ATL3: variants seen among roughly 807,000 people sequenced by gnomAD.
ATL3 encodes atlastin GTPase 3, also known as atlastin-3.
Under a neutral mutation model 69.5 loss-of-function variants are expected in ATL3, and 49 were observed. The ratio of observed to expected loss-of-function variants is 0.71; its 90% confidence interval spans 0.56 to 0.89. The LOEUF is 0.89. ATL3 is among the 40% of genes least tolerant of loss of function. The pLI is 0.00. For missense variants in ATL3, 606 were observed against 645.7 expected, an observed-to-expected ratio of 0.94 and a Z score of 0.67; for synonymous variants, 214 against 224.1, an observed-to-expected ratio of 0.95 and a Z score of 0.40.
rs1234572123 is a variant in ATL3, at chr11:63,629,311, T to G, written c.*8A>C. On this transcript the variant is annotated 3_prime_UTR_variant, in exon 13 of 13. Coordinates refer to ENST00000398868, the MANE Select transcript of ATL3 (RefSeq NM_015459.5). ...GTTGTGTTCTTGTTTGATCTTCACG[T>G]TAAGATGCTATTGAGCTTTTTTATC... 1.2e-6 allele frequency: 2 copies of G among 1,611,996 alleles called. No homozygotes were observed. The highest frequency in any genetic ancestry group is 1.7e-6 in the Non-Finnish European group (2 of 1,178,026).
chr11:63,644,042 A>G, intron 7 of ATL3, 127 bp downstream of exon 7: 1 of 636,594 alleles, frequency 1.6e-6, no homozygotes, highest in East Asian at 2.8e-5. Flanking sequence ...GCTTGTGTTA[A>G]GATTCATATA....
chr11:63,661,975 G>A (rs1276351552), intron 1 of ATL3, among the ~76,000 whole-genome samples: 1 of 152,026 alleles, frequency 6.6e-6, no homozygotes, highest in Non-Finnish European at 1.5e-5. Context: ...CACTTTGGGG[G>A]CCAAGGCAGG....
chr11:63,636,415 C>A, intron 8 of ATL3, 81 bp from the exon 9 acceptor site: 1 of 1,558,636 alleles, frequency 6.4e-7, no homozygotes, highest in South Asian at 1.2e-5. Flanking sequence ...GCAGTCTTCC[C>A]AGTCTAGTGC....
chr11:63,630,341 C>G (rs1474137839), intron 12 of ATL3, among the ~76,000 whole-genome samples: 1 of 148,832 alleles, frequency 6.7e-6, no homozygotes, highest in Non-Finnish European at 1.5e-5. Context: ...GCAAGAGAAT[C>G]ACTTGAACCC....
intron 3 of ATL3, among the ~76,000 whole-genome samples, chr11:63,653,819 G>A (rs575057652): frequency 6.6e-6 from 1 of 152,308 alleles, no homozygotes; most frequent in East Asian, 1.9e-4. Context: ...AAGATCAGTG[G>A]AGGAGTTTGT....
At chr11:63,631,542 A>G (rs1939319868) in intron 11 of ATL3, 71 bp from the exon 12 acceptor site, 6 of 1,295,442 alleles carry the variant, frequency 4.6e-6, no homozygotes, top group Non-Finnish European at 6.4e-6. Context: ...ACATGAAAAG[A>G]TAATGAAAGG....
In ATL3 at chr11:63,625,541, T is replaced by C. The variant is rs1005325895; in HGVS notation, c.*3778A>G. 2 of 152,214 alleles carry C rather than the reference T, an allele frequency of 1.3e-5. No individual in the cohort carries two copies. The highest frequency in any genetic ancestry group is 2.9e-5 in the Non-Finnish European group (2 of 68,054). 9.4% of individuals were successfully genotyped at this position (152,214 alleles called of 1,614,324 possible). The stretch of plus-strand genomic sequence containing the variant: ...AATTTTGCTATAACTCATACATACA[T>C]ACATACTTATCCAAACTCACCCTAT... On this transcript the variant is annotated 3_prime_UTR_variant, in exon 13 of 13. Coordinates refer to ENST00000398868, the MANE Select transcript of ATL3 (RefSeq NM_015459.5).
At chr11:63,643,220 T>G (rs1939756021) in intron 8 of ATL3, 137 bp downstream of exon 8, 2 of 951,738 alleles carry the variant, frequency 2.1e-6, no homozygotes, top group Admixed American at 3.4e-5. Flanking sequence ...AGGAGCAAAA[T>G]CTGAACTAGA....
At chr11:63,635,473 T>C in intron 10 of ATL3, 61 bp downstream of exon 10, 1 of 1,361,284 alleles carries the variant, frequency 7.3e-7, no homozygotes, top group South Asian at 1.2e-5. Context: ...CTCTGCTTAT[T>C]GTATACAGGT....
intron 1 of ATL3, among the ~76,000 whole-genome samples, chr11:63,669,707 C>T (rs1037503394): frequency 2.6e-5 from 4 of 151,560 alleles, no homozygotes; most frequent in Non-Finnish European, 5.9e-5. Flanking sequence ...CTTGGGAGGC[C>T]GAGGAGAGGA....
chr11:63,625,125 A>AAAACCATTTGAC lies in ATL3; in HGVS notation c.*4182_*4193dup, dbSNP rs1188875471. The stretch of plus-strand genomic sequence containing the variant: ...AGCTACAACAGGACTTACAGCAAGA[A>AAAACCATTTGAC]AAACCATTTGACTGCAAATATTATT... On this transcript the variant is annotated 3_prime_UTR_variant, in exon 13 of 13. Transcript: ENST00000398868. The AAAACCATTTGAC allele has an allele frequency of 6.6e-6, 1 of 152,186 alleles. No individual in the cohort carries two copies. Among genetic ancestry groups the AAAACCATTTGAC allele is most frequent in the Non-Finnish European group, 1.5e-5 (1 of 68,022 alleles). 9.4% of individuals were successfully genotyped at this position (152,186 alleles called of 1,614,324 possible).
intron 3 of ATL3, among the ~76,000 whole-genome samples, chr11:63,656,991 CACGAGG>C (rs940801262): frequency 4.6e-5 from 7 of 152,070 alleles, no homozygotes; most frequent in Admixed American, 2.6e-4. Context: ...ACAGGCGGAT[CACGAGG>C]TCAGGAGTTC....
intron 6 of ATL3, among the ~76,000 whole-genome samples, chr11:63,645,540 C>CAGAGAG (rs113638692): frequency 1.3e-5 from 2 of 150,360 alleles, no homozygotes; most frequent in African/African-American, 4.9e-5. Flanking sequence ...AGACTTTTTG[C>CAGAGAG]AGAGAGAGAG....
At position 63,626,656 on chromosome 11, in the gene ATL3, T is replaced by C. The variant is rs1462940450; in HGVS notation, c.*2663A>G. On this transcript the variant is annotated 3_prime_UTR_variant, in exon 13 of 13. Transcript: ENST00000398868. ...CATATATTGTTAGGATTGTGTAAAA[T>C]TAAAAATGCCTGCATGGAAAGCGGC... 1 of 152,034 alleles carries C rather than the reference T, an allele frequency of 6.6e-6. No homozygotes were observed. The highest frequency in any genetic ancestry group is 2.4e-5 in the African/African-American group (1 of 41,368). 9.4% of individuals were successfully genotyped at this position (152,034 alleles called of 1,614,324 possible). A position where few individuals can be genotyped will look rare whatever the true frequency, so the allele number is the denominator to read the frequency against.
chr11:63,632,314 G>A, intron 11 of ATL3: 2 of 787,222 alleles, frequency 2.5e-6, no homozygotes, highest in East Asian at 2.4e-5. Context: ...ATACGTTGGT[G>A]GTGTTGTCAT....
intron 1 of ATL3, among the ~76,000 whole-genome samples, chr11:63,662,695 T>C (rs548361917): frequency 6.6e-6 from 1 of 152,274 alleles, no homozygotes; most frequent in South Asian, 2.1e-4. Context: ...CCCAGGCCCG[T>C]CTTGAACTCC....
intron 8 of ATL3, among the ~76,000 whole-genome samples, chr11:63,637,049 C>T (rs1305596368): frequency 1.3e-5 from 2 of 152,012 alleles, no homozygotes; most frequent in African/African-American, 4.8e-5. Flanking sequence ...GAGGTCAAGG[C>T]GGGTGGATCA....
intron 3 of ATL3, 24 bp downstream of exon 3, chr11:63,658,737 C>T (rs1469535622): frequency 1.3e-6 from 2 of 1,581,578 alleles, no homozygotes; most frequent in African/African-American, 2.7e-5. Flanking sequence ...TGTTGTTAAT[C>T]TGTAAGGTCA....
intron 8 of ATL3, among the ~76,000 whole-genome samples, chr11:63,640,380 G>A (rs1232479734): frequency 1.3e-5 from 2 of 151,712 alleles, no homozygotes; most frequent in African/African-American, 4.8e-5. Context: ...CTTGACGTCT[G>A]GGGCTCAAGC....
Sources: gnomAD v4.1 joint callset for allele counts (sites outside exome capture counted in the v4.1 genomes callset) on GRCh38, gnomAD v4.1.1 for gene constraint, MANE v1.5 for transcripts, NCBI Gene and HGNC (gene_info 2026-07-23, HGNC 2026-07-21) for gene names.